The following TTLL6 variants were observed in gnomAD, a reference collection of about 807,000 sequenced individuals.
TTLL6 encodes tubulin tyrosine ligase like 6, also known as tubulin polyglutamylase TTLL6.
TTLL6 carries 75 observed loss-of-function variants against 96.4 expected under a neutral mutation model. That is an observed-to-expected ratio of 0.78 (90% CI 0.65 to 0.94). The LOEUF is 0.94. Ranked by LOEUF, TTLL6 falls within the 40% of genes least tolerant of loss-of-function variation. The pLI is 0.00. For synonymous variants in TTLL6, 411 were observed against 419.4 expected (o/e 0.98, Z 0.24); for missense variants, 1,030 against 1,093.0 (o/e 0.94, Z 0.81).
At chr17:48,800,635 T>C (rs2143437346) in intron 5 of TTLL6, among the ~76,000 whole-genome samples, 1 of 152,276 alleles carries the variant, frequency 6.6e-6, no homozygotes, top group East Asian at 1.9e-4. Flanking sequence ...TCTGATACCC[T>C]TGCCATGTGA....
intron 13 of TTLL6, among the ~76,000 whole-genome samples, chr17:48,784,525 G>A (rs2039050814): frequency 6.6e-6 from 1 of 152,170 alleles, no homozygotes; most frequent in African/African-American, 2.4e-5. Context: ...GCAGCCACCA[G>A]ACAGAATCCA....
chr17:48,784,507 A>G (rs1043455348), intron 13 of TTLL6, among the ~76,000 whole-genome samples: 2 of 152,286 alleles, frequency 1.3e-5, no homozygotes, highest in African/African-American at 2.4e-5. Context: ...AGGACTGCCA[A>G]GCACTCAGCA....
intron 11 of TTLL6, among the ~76,000 whole-genome samples, chr17:48,786,562 G>C (rs1247219420): frequency 6.6e-6 from 1 of 152,228 alleles, no homozygotes; most frequent in African/African-American, 2.4e-5. Context: ...CATCCAAGGA[G>C]AGATGTGCAG....
At chr17:48,795,836 T>C (rs1415075275) in intron 8 of TTLL6, among the ~76,000 whole-genome samples, 5 of 152,190 alleles carry the variant, frequency 3.3e-5, no homozygotes, top group Admixed American at 2.6e-4. Flanking sequence ...TCTCTCCTCC[T>C]CCCAGCCTCC....
Position 48,786,163 on chromosome 17 carries a change from C to G in TTLL6, c.1761+1G>C. The G allele has an allele frequency of 6.2e-7, 1 of 1,614,198 alleles. No individual in the cohort carries two copies. Among genetic ancestry groups the G allele is most frequent in the Non-Finnish European group, 8.5e-7 (1 of 1,180,024 alleles). ...GTGTGTTCCCCTCAATCCAGGTTTA[C>G]CTGTTTGGAGGCTTGGGTGGCGGCC... On this transcript the variant is annotated splice_donor_variant, in intron 12 of 15. Coordinates refer to ENST00000393382, the MANE Select transcript of TTLL6 (RefSeq NM_001130918.3). LOFTEE classifies it high-confidence loss of function.
intron 3 of TTLL6, among the ~76,000 whole-genome samples, chr17:48,801,918 C>T (rs866221679): frequency 5.3e-5 from 8 of 151,394 alleles, no homozygotes; most frequent in Middle Eastern, 3.2e-3. Context: ...TGGTGGGGTG[C>T]GCCTGTAATC....
chr17:48,811,596 T>C (rs532367146), intron 1 of TTLL6, among the ~76,000 whole-genome samples: 27 of 152,042 alleles, frequency 1.8e-4, no homozygotes, highest in African/African-American at 6.5e-4. Flanking sequence ...CCTGACCCTA[T>C]AGACATCTGA....
chr17:48,801,651 A>T lies in TTLL6; in HGVS notation c.362-8T>A. 6.5e-7 allele frequency: 1 copy of T among 1,549,454 alleles called. No individual in the cohort carries two copies. The highest frequency in any genetic ancestry group is 1.2e-5 in the South Asian group (1 of 83,976). ...GTTGGGCAGCCCTGCGCACTATTGA[A>T]GAAAGAAAGGCCTATTAGCCCAGGA... On this transcript the variant is annotated splice_polypyrimidine_tract_variant and splice_region_variant and intron_variant, in intron 3 of 15. Coordinates refer to ENST00000393382, the MANE Select transcript of TTLL6 (RefSeq NM_001130918.3).
intron 10 of TTLL6, 29 bp downstream of exon 10, chr17:48,789,902 C>A (rs368288270): frequency 1.1e-5 from 17 of 1,608,492 alleles, no homozygotes; most frequent in African/African-American, 2.7e-5. Flanking sequence ...AGAGAGAGAG[C>A]CCCGCAAGGC....
chr17:48,797,695 G>A (rs933022311), intron 6 of TTLL6, among the ~76,000 whole-genome samples: 5 of 148,886 alleles, frequency 3.4e-5, no homozygotes, highest in African/African-American at 5.0e-5. Context: ...GCTGAGGCAG[G>A]AGAATCACTT....
intron 15 of TTLL6, among the ~76,000 whole-genome samples, chr17:48,763,832 A>C (rs2038537279): frequency 6.6e-6 from 1 of 151,848 alleles, no homozygotes; most frequent in Non-Finnish European, 1.5e-5. Flanking sequence ...ACAAACAAAA[A>C]AACAGAAAGA....
At chr17:48,784,353 G>A (rs780699751) in intron 13 of TTLL6, among the ~76,000 whole-genome samples, 3 of 151,964 alleles carry the variant, frequency 2.0e-5, no homozygotes, top group Non-Finnish European at 2.9e-5. Context: ...TGCAGTGAGC[G>A]GAGATTGCAC....
Position 48,804,957 on chromosome 17 carries a change from G to A in TTLL6, c.138C>T (p.Ala46=). The change falls in exon 2 of 16, where the codon GCC becomes GCT. Residue 46 remains alanine (A), a synonymous_variant. Coordinates refer to ENST00000393382, the MANE Select transcript of TTLL6 (RefSeq NM_001130918.3). ...AAGTCGGGCACTGTGGCATCTCCCTGGCCTGGGAGGAGGCTCTGGGGAAAT... is the reference window on the plus strand; with the variant it reads ...AAGTCGGGCACTGTGGCATCTCCCTAGCCTGGGAGGAGGCTCTGGGGAAAT... ...AWYFPRASSQ[A]REMPQCPTLE... is the part of the protein sequence containing the mutation. The A allele has an allele frequency of 3.9e-6, 6 of 1,551,692 alleles. No homozygotes were observed. Among genetic ancestry groups the A allele is most frequent in the Non-Finnish European group, 5.2e-6 (6 of 1,146,988 alleles).
At chr17:48,801,675 G>A (rs576224803) in intron 3 of TTLL6, 32 bp from the exon 4 acceptor site, 1 of 1,520,692 alleles carries the variant, frequency 6.6e-7, no homozygotes, top group Admixed American at 2.0e-5. Context: ...ATTAGCCCAG[G>A]AAGTGGGGGA....
rs377145882 is a variant in TTLL6 at position 48,791,423 on chromosome 17, G to T, written c.1179C>A (p.Gly393=). Residue 393 remains glycine (G), a synonymous_variant, in exon 9 of 16, where the codon GGC becomes GGA. Transcript: ENST00000393382. ...TLNSACFEIL[G]FDILLDHKLK... ...GTTTGTGGTCCAACAAAATGTCAAA[G>T]CCCAGGATCTCAAAGCAGGCGCTGT... The T allele has an allele frequency of 1.2e-6, 2 of 1,614,202 alleles. No homozygotes were observed. The highest frequency in any genetic ancestry group is 1.7e-6 in the Non-Finnish European group (2 of 1,180,036).
At chr17:48,800,493 G>C (rs1344379810) in intron 5 of TTLL6, among the ~76,000 whole-genome samples, 3 of 152,164 alleles carry the variant, frequency 2.0e-5, no homozygotes, top group African/African-American at 7.2e-5. Context: ...CTGTTGACCT[G>C]ATGGCAAATA....
Position 48,769,158 on chromosome 17 carries a change from T to C in TTLL6, c.2507A>G (p.Gln836Arg). The stretch of plus-strand genomic sequence containing the variant: ...GTCCCTCAGAGTAACATTATAGCTC[T>C]GAGGACTCTGCAAGAGGAGGGAGGA... The part of the protein sequence containing the change: ...DVSSLLLQSP[Q>R]SYNVTLRDLL... The change falls in exon 15 of 16, where the codon CAG becomes CGG. Residue 836 changes from glutamine to arginine, a missense_variant. Coordinates refer to ENST00000393382, the MANE Select transcript of TTLL6 (RefSeq NM_001130918.3). The C allele has an allele frequency of 1.9e-6, 3 of 1,614,172 alleles. No homozygotes were observed. The highest frequency in any genetic ancestry group is 2.5e-6 in the Non-Finnish European group (3 of 1,180,028).
chr17:48,788,945 G>A (rs1209690056), intron 10 of TTLL6, among the ~76,000 whole-genome samples: 2 of 152,114 alleles, frequency 1.3e-5, no homozygotes, highest in Non-Finnish European at 2.9e-5. Context: ...AGTGGGGTCT[G>A]AAAAGCAACA....
chr17:48,807,295 T>C (rs1225466123), intron 1 of TTLL6, among the ~76,000 whole-genome samples: 1 of 151,394 alleles, frequency 6.6e-6, no homozygotes. Flanking sequence ...TTCTCCATGT[T>C]GGTCAGGCTG....
Sources: gnomAD v4.1 joint callset for allele counts (sites outside exome capture counted in the v4.1 genomes callset) on GRCh38, gnomAD v4.1.1 for gene constraint, MANE v1.5 for transcripts, NCBI Gene and HGNC (gene_info 2026-07-23, HGNC 2026-07-21) for gene names.